FERMT1: variants seen among roughly 807,000 people sequenced by gnomAD.
FERMT1 encodes fermitin family homolog 1.
A neutral mutation model predicts 85.3 loss-of-function variants in FERMT1; 60 were observed. The observed-to-expected ratio is 0.70, with a 90% confidence interval of 0.57 to 0.87. The LOEUF (loss-of-function observed/expected upper bound fraction) is 0.87. Among genes scored for constraint, FERMT1 ranks in the 40% least tolerant of loss-of-function variants. The pLI is 0.00. For synonymous variants in FERMT1, 275 were observed against 301.1 expected (o/e 0.91, Z 0.90); for missense variants, 701 against 818.9 (o/e 0.86, Z 1.76).
At chr20:6,078,102 T>TC (rs1354566713) in intron 14 of FERMT1, among the ~76,000 whole-genome samples, 1 of 152,236 alleles carries the variant, frequency 6.6e-6, no homozygotes, top group African/African-American at 2.4e-5. Flanking sequence ...CTTTGCTGGT[T>TC]CACAACCTTG....
At chr20:6,088,422 A>G (rs879761095) in intron 10 of FERMT1, among the ~76,000 whole-genome samples, 1 of 152,186 alleles carries the variant, frequency 6.6e-6, no homozygotes, top group East Asian at 1.9e-4. Context: ...CCACCACATC[A>G]TAAACTCTGG....
At chr20:6,106,689 G>A (rs1420528141) in intron 6 of FERMT1, among the ~76,000 whole-genome samples, 1 of 152,210 alleles carries the variant, frequency 6.6e-6, no homozygotes, top group African/African-American at 2.4e-5. Flanking sequence ...ATAGACTTCA[G>A]GGGGAGATGT....
At chr20:6,110,581 C>T in intron 4 of FERMT1, 70 bp from the exon 5 acceptor site, 5 of 1,182,196 alleles carry the variant, frequency 4.2e-6, no homozygotes, top group Non-Finnish European at 2.5e-6. Flanking sequence ...AAAATATTAA[C>T]ATTACTTACA....
chr20:6,088,715 A>G (rs576899946), intron 10 of FERMT1, among the ~76,000 whole-genome samples: 1 of 144,544 alleles, frequency 6.9e-6, no homozygotes, highest in South Asian at 2.2e-4. Context: ...TGCAACCTTC[A>G]CCTCTTCAAG....
chr20:6,082,572 CAGA>C (rs1312815677), intron 13 of FERMT1, among the ~76,000 whole-genome samples: 7 of 152,180 alleles, frequency 4.6e-5, no homozygotes, highest in African/African-American at 7.2e-5. Flanking sequence ...GTAAGTAAAG[CAGA>C]AGGAGTTGCT....
intron 5 of FERMT1, among the ~76,000 whole-genome samples, chr20:6,109,588 C>T (rs999046648): frequency 6.6e-6 from 1 of 152,192 alleles, no homozygotes; most frequent in Non-Finnish European, 1.5e-5. Flanking sequence ...AAGGAAGTTG[C>T]TCATTAGAAT....
intron 13 of FERMT1, among the ~76,000 whole-genome samples, chr20:6,080,423 C>T (rs1486436331): frequency 2.0e-5 from 3 of 152,326 alleles, no homozygotes; most frequent in South Asian, 4.1e-4. Flanking sequence ...GCTGGGATTA[C>T]AGGCATAAGC....
At chr20:6,079,376 C>T (rs1981929060) in intron 14 of FERMT1, 60 bp downstream of exon 14, 2 of 1,547,724 alleles carry the variant, frequency 1.3e-6, no homozygotes, top group Non-Finnish European at 8.9e-7. Flanking sequence ...GAATAATCTG[C>T]AATTCTGAGG....
chr20:6,097,670 A>G (rs762212742), intron 6 of FERMT1, 39 bp from the exon 7 acceptor site: 1 of 1,305,396 alleles, frequency 7.7e-7, no homozygotes, highest in African/African-American at 1.4e-5. Flanking sequence ...AATGAGGTAT[A>G]TTTATATCCC....
intron 12 of FERMT1, 102 bp from the exon 13 acceptor site, chr20:6,084,266 G>A (rs189296433): frequency 9.4e-6 from 12 of 1,273,882 alleles, no homozygotes; most frequent in Admixed American, 7.9e-5. Flanking sequence ...CTCAAGGTCC[G>A]TCTGCAGCTC....
In FERMT1 at chr20:6,116,172, CT is replaced by C. The variant is rs1983093886; in HGVS notation, c.152-129del. The stretch of plus-strand genomic sequence containing the variant: ...CAACTGATCTCCAGCTCCTCATGGC[CT>C]TTTACAATTCAAGGCTTAACAACTT... On this transcript the variant is annotated intron_variant, in intron 2 of 14. Transcript: ENST00000217289. The C allele has an allele frequency of 6.9e-6, 5 of 726,916 alleles. No individual in the cohort carries two copies. In the East Asian group the frequency reaches 1.3e-4, roughly 19 times the overall value. The allele number at this position is 726,916 out of a possible 1,614,324, so 45.0% of individuals were successfully genotyped here.
At chr20:6,116,305 A>G (rs1983098636) in intron 2 of FERMT1, among the ~76,000 whole-genome samples, 1 of 152,222 alleles carries the variant, frequency 6.6e-6, no homozygotes, top group Non-Finnish European at 1.5e-5. Context: ...CCATCATGGT[A>G]CATGTATACG....
At chr20:6,083,706 C>CCA (rs1568653982) in intron 13 of FERMT1, among the ~76,000 whole-genome samples, 8 of 82,066 alleles carry the variant, frequency 9.7e-5, no homozygotes, top group African/African-American at 3.1e-4. Flanking sequence ...AAAAAAAAAA[C>CCA]AAAAAAAAAA....
At chr20:6,093,339 C>T (rs571501183) in intron 9 of FERMT1, among the ~76,000 whole-genome samples, 1 of 152,254 alleles carries the variant, frequency 6.6e-6, no homozygotes, top group African/African-American at 2.4e-5. Flanking sequence ...ATAGTATCCA[C>T]TGGCCAAATA....
chr20:6,121,283 G>T (rs772328094), intron 1 of FERMT1, among the ~76,000 whole-genome samples: 13 of 151,902 alleles, frequency 8.6e-5, no homozygotes, highest in Non-Finnish European at 1.6e-4. Context: ...CACCACGCCC[G>T]GTTAATTTTT....
At chr20:6,096,807 TCAGATGA>T in intron 8 of FERMT1, 88 bp downstream of exon 8, 14 of 548,180 alleles carry the variant, frequency 2.6e-5, no homozygotes, top group Non-Finnish European at 4.1e-5. Flanking sequence ...TTTTTCAAAA[TCAGATGA>T]AATATTCTCT....
At chr20:6,099,075 C>T (rs944286740) in intron 6 of FERMT1, among the ~76,000 whole-genome samples, 2 of 152,090 alleles carry the variant, frequency 1.3e-5, no homozygotes, top group African/African-American at 2.4e-5. Flanking sequence ...ATGTGCTGTC[C>T]ACATACAATA....
In FERMT1 at chr20:6,085,846, C is replaced by CAAAA. The variant is rs10700226; in HGVS notation, c.1372-563_1372-560dup. Among the ~76,000 whole-genome samples, 895 of 140,816 alleles carry CAAAA rather than the reference C, an allele frequency of 6.4e-3. 10 individuals carry two copies. The highest frequency in any genetic ancestry group is 0.021 in the African/African-American group (793 of 38,394). The allele number at this position is 140,816 out of a possible 152,430, so 92.4% of individuals were successfully genotyped here. On this transcript the variant is annotated intron_variant, in intron 11 of 14. Transcript: ENST00000217289. Reference sequence around the variant, plus strand: ...CCTGGGCGACAGAACAATACTTTGTCAAAAAAAAAAAATACCAGGTGTGGT... The same window carrying CAAAA: ...CCTGGGCGACAGAACAATACTTTGTCAAAAAAAAAAAAAAAATACCAGGTGTGGT...
At chr20:6,077,639 C>T (rs1981866824) in intron 14 of FERMT1, among the ~76,000 whole-genome samples, 1 of 152,172 alleles carries the variant, frequency 6.6e-6, no homozygotes, top group Non-Finnish European at 1.5e-5. Context: ...CTCTCTGTCT[C>T]CCTGTGTTGA....
Sources: allele counts gnomAD v4.1 joint callset (sites outside exome capture counted in the v4.1 genomes callset), GRCh38; gene constraint gnomAD v4.1.1; transcripts MANE v1.5; gene names NCBI Gene and HGNC (gene_info 2026-07-23, HGNC 2026-07-21).